Variants in RGS22 observed in about 807,000 individuals in gnomAD.
The protein encoded by RGS22 is regulator of G protein signaling 22.
In RGS22, 148 loss-of-function variants were observed where a neutral mutation model predicts 172.9. The observed-to-expected ratio is 0.86, with a 90% CI of 0.75 to 0.98. The LOEUF is 0.98. RGS22 is among the 50% of genes least tolerant of loss of function. RGS22 has a pLI of 0.00. For missense variants in RGS22, 1,347 were observed against 1,440.8 expected (o/e 0.93, Z 1.05); for synonymous variants, 458 against 480.2 (o/e 0.95, Z 0.60).
At chr8:100,017,775 T>C (rs954596760) in intron 14 of RGS22, among the ~76,000 whole-genome samples, 6 of 152,238 alleles carry the variant, frequency 3.9e-5, no homozygotes, top group Non-Finnish European at 8.8e-5. Flanking sequence ...AATAATATAG[T>C]CTGATTATGG....
At chr8:99,972,858 C>G (rs1397672111) in intron 23 of RGS22, among the ~76,000 whole-genome samples, 1 of 151,808 alleles carries the variant, frequency 6.6e-6, no homozygotes, top group African/African-American at 2.4e-5. Flanking sequence ...ATGGTGAAAC[C>G]CTGTCTCTAC....
Position 100,093,468 on chromosome 8 carries a change from A to G in RGS22, c.96T>C (p.Phe32=), listed in dbSNP as rs2131999392. The G allele has an allele frequency of 1.9e-6, 3 of 1,595,680 alleles. No individual in the cohort carries two copies. Among genetic ancestry groups the G allele is most frequent in the East Asian group, 2.2e-5 (1 of 44,640 alleles). The part of the protein sequence containing the change: ...LATDDFLVDY[F]NEFLSLPTFS... ...TCACTGGAAGGCTTAGGAATTCATT[A>G]AAGTAGTCTACAAGGAAATCATCTG... Residue 32 remains phenylalanine, a synonymous_variant, in exon 3 of 28, where the codon TTT becomes TTC. Coordinates refer to ENST00000360863, the MANE Select transcript of RGS22 (RefSeq NM_015668.5).
chr8:99,987,636 A>ATATAGGAAATTAGCTCAT lies in RGS22; in HGVS notation c.3019-35_3019-18dup, dbSNP rs752561803. The ATATAGGAAATTAGCTCAT allele has an allele frequency of 1.1e-5, 16 of 1,514,250 alleles. No homozygotes were observed. The Admixed American group carries it at 3.2e-4, about 30-fold the overall frequency. The allele number at this position is 1,514,250 out of a possible 1,614,324, so 93.8% of individuals were successfully genotyped here. A position where few individuals can be genotyped will look rare whatever the true frequency, so the allele number is the denominator to read the frequency against. ...CTCCACAGGCTGTCCAAAGCAGAGA[A>ATATAGGAAATTAGCTCAT]TATAGGAAATTAGCTCATTAATTAG... On this transcript the variant is annotated splice_polypyrimidine_tract_variant and intron_variant, in intron 20 of 27. Transcript: ENST00000360863.
rs1197450342 is a variant in RGS22 at position 100,080,232 on chromosome 8, T to A, written c.241A>T (p.Ile81Phe). 2.5e-6 allele frequency: 4 copies of A among 1,613,824 alleles called. No individual in the cohort carries two copies. The highest frequency in any genetic ancestry group is 3.4e-6 in the Non-Finnish European group (4 of 1,179,728). Residue 81 changes from isoleucine (I) to phenylalanine (F), a missense_variant, in exon 4 of 28, where the codon ATT becomes TTT. Ile to Phe is a conservative substitution (Grantham distance 21). Transcript: ENST00000360863. ...TTTCCTTTCCTTACAACATCATAAA[T>A]GGGATTTCGAGGTTGCTGGTTTTGT... ...ILQNQQPRNPIYDVVRKGKNE... is the reference protein window; with the variant it reads ...ILQNQQPRNPFYDVVRKGKNE...
rs749448240 is a variant in RGS22 at position 99,962,665 on chromosome 8, A to G, written c.3790+22T>C. 16 of 1,580,460 alleles carry G rather than the reference A, an allele frequency of 1.0e-5. No individual in the cohort carries two copies. In the East Asian group the frequency reaches 3.6e-4, roughly 35 times the overall value. On this transcript the variant is annotated intron_variant, in intron 26 of 27. Coordinates refer to ENST00000360863, the MANE Select transcript of RGS22 (RefSeq NM_015668.5). ...ATCAAAAAGAAAGAAACAACTGAAG[A>G]TAGACTACACTGGAAACTCACTCTG...
chr8:100,103,567 T>C (rs1813672367), intron 2 of RGS22, among the ~76,000 whole-genome samples: 1 of 152,092 alleles, frequency 6.6e-6, no homozygotes, highest in Admixed American at 6.5e-5. Flanking sequence ...AGAGTCCCAA[T>C]AACCGCTGGA....
chr8:100,053,698 C>T (rs992168298), intron 9 of RGS22, among the ~76,000 whole-genome samples: 7 of 151,972 alleles, frequency 4.6e-5, no homozygotes, highest in African/African-American at 1.5e-4. Context: ...TGCAGTGGTG[C>T]GATCTCAGCT....
intron 3 of RGS22, among the ~76,000 whole-genome samples, chr8:100,092,722 C>A (rs1428567091): frequency 1.3e-5 from 2 of 152,130 alleles, no homozygotes; most frequent in Non-Finnish European, 2.9e-5. Flanking sequence ...TATACATTAC[C>A]CAATCTCAGT....
intron 11 of RGS22, among the ~76,000 whole-genome samples, chr8:100,046,799 C>T (rs1169054925): frequency 6.6e-6 from 1 of 150,596 alleles, no homozygotes; most frequent in East Asian, 2.0e-4. Context: ...CACTGGTAAA[C>T]CCTTCATACC....
At chr8:100,058,196 T>C (rs1458300682) in intron 9 of RGS22, among the ~76,000 whole-genome samples, 1 of 141,750 alleles carries the variant, frequency 7.1e-6, no homozygotes, top group Non-Finnish European at 1.5e-5. Context: ...ACAACAACAA[T>C]AAAGCATGCC....
intron 11 of RGS22, among the ~76,000 whole-genome samples, chr8:100,045,961 G>A (rs1820675025): frequency 6.6e-6 from 1 of 151,738 alleles, no homozygotes; most frequent in African/African-American, 2.4e-5. Flanking sequence ...GAGTACAAAT[G>A]CAAAGTATGG....
At position 100,040,007 on chromosome 8, in the gene RGS22, T is replaced by A. The variant is rs1819934525; in HGVS notation, c.2019A>T (p.Arg673Ser). Residue 673 changes from arginine (R) to serine (S), a missense_variant, in exon 13 of 28, where the codon AGA (arginine) becomes AGT (serine). Physicochemically the swap from Arg to Ser is moderately radical, Grantham distance 110. Coordinates refer to ENST00000360863, the MANE Select transcript of RGS22 (RefSeq NM_015668.5). ...AGAATTTAGTAAAGAAGAATCCAGCTCTATTTTCTACATACAAAGATTGCA... is the reference window on the plus strand; with the variant it reads ...AGAATTTAGTAAAGAAGAATCCAGCACTATTTTCTACATACAAAGATTGCA... ...NLLQSLYVEN[R>S]AGFFFTKFCE... 2 of 1,606,012 alleles carry A rather than the reference T, an allele frequency of 1.2e-6. No individual in the cohort carries two copies.
chr8:99,995,285 G>A (rs1040624198), intron 20 of RGS22, among the ~76,000 whole-genome samples: 2 of 152,190 alleles, frequency 1.3e-5, no homozygotes, highest in Non-Finnish European at 1.5e-5. Context: ...TTAAACTAAT[G>A]AGTTTCTGCA....
intron 2 of RGS22, among the ~76,000 whole-genome samples, chr8:100,104,136 G>A (rs1275458607): frequency 1.3e-5 from 2 of 152,130 alleles, no homozygotes; most frequent in Non-Finnish European, 1.5e-5. Context: ...TGGGCAACAT[G>A]GTGAAACTCT....
At chr8:99,996,109 TG>T (rs923573320) in intron 20 of RGS22, among the ~76,000 whole-genome samples, 3 of 2,728 alleles carry the variant, frequency 1.1e-3, no homozygotes, top group Admixed American at 9.6e-3. Context: ...TGGGGCCTGT[TG>T]GGGGGTGGGG....
chr8:99,985,305 GC>G (rs1812965425), intron 21 of RGS22, among the ~76,000 whole-genome samples: 1 of 152,168 alleles, frequency 6.6e-6, no homozygotes, highest in South Asian at 2.1e-4. Flanking sequence ...ACAATATCTG[GC>G]ACATAGTAAA....
intron 12 of RGS22, among the ~76,000 whole-genome samples, chr8:100,041,316 C>T (rs539029130): frequency 4.5e-4 from 68 of 152,106 alleles, no homozygotes; most frequent in African/African-American, 1.6e-3. Context: ...TGGTGAAACC[C>T]CATCTCTACT....
At chr8:100,064,756 G>C (rs1816459606) in intron 7 of RGS22, among the ~76,000 whole-genome samples, 1 of 152,110 alleles carries the variant, frequency 6.6e-6, no homozygotes, top group Admixed American at 6.5e-5. Flanking sequence ...TATGTGCTTT[G>C]ATATTTCATG....
At chr8:100,105,224 A>G in intron 2 of RGS22, 150 bp downstream of exon 2, 1 of 618,158 alleles carries the variant, frequency 1.6e-6, no homozygotes, top group Non-Finnish European at 2.9e-6. Context: ...AAGAATTTAA[A>G]AAGATCTTGT....
Sources: gnomAD v4.1 joint callset for allele counts (sites outside exome capture counted in the v4.1 genomes callset) on GRCh38, gnomAD v4.1.1 for gene constraint, MANE v1.5 for transcripts, NCBI Gene and HGNC (gene_info 2026-07-23, HGNC 2026-07-21) for gene names.